Variants in SND1 observed in about 807,000 individuals in gnomAD.
SND1 encodes staphylococcal nuclease and tudor domain containing 1.
A neutral mutation model predicts 121.7 loss-of-function variants in SND1; 38 were observed. The ratio of observed to expected loss-of-function variants is 0.31; its 90% CI spans 0.24 to 0.41. The LOEUF (loss-of-function observed/expected upper bound fraction) is 0.41. Among genes scored for constraint, SND1 ranks in the 10% least tolerant of loss-of-function variants. The pLI is 1.00. For synonymous variants in SND1, 401 were observed against 447.4 expected (o/e 0.90, Z 1.31); for missense variants, 868 against 1,184.6 (o/e 0.73, Z 3.92).
chr7:127,896,852 GTGCT>G (rs1311074467), intron 13 of SND1, among the ~76,000 whole-genome samples: 1 of 152,086 alleles, frequency 6.6e-6, no homozygotes, highest in Non-Finnish European at 1.5e-5. Flanking sequence ...GAGTGTTACA[GTGCT>G]TGCTTGCTTT....
chr7:127,860,400 G>C (rs1799354435), intron 12 of SND1, among the ~76,000 whole-genome samples: 1 of 152,198 alleles, frequency 6.6e-6, no homozygotes, highest in Non-Finnish European at 1.5e-5. Context: ...TGGAAGTCTG[G>C]ATTTACAAAA....
intron 17 of SND1, among the ~76,000 whole-genome samples, chr7:128,080,831 T>C (rs2117058838): frequency 6.6e-6 from 1 of 152,250 alleles, no homozygotes; most frequent in Non-Finnish European, 1.5e-5. Flanking sequence ...TTGTTGGTTC[T>C]GATGCCTGCC....
chr7:127,866,446 T>C (rs191191895), intron 12 of SND1, among the ~76,000 whole-genome samples: 7 of 142,916 alleles, frequency 4.9e-5, no homozygotes, highest in Admixed American at 4.9e-4. Context: ...TAAAGGTGTT[T>C]GATGCTGCCT....
intron 14 of SND1, among the ~76,000 whole-genome samples, chr7:127,926,719 T>TG (rs375277357): frequency 0.27 from 36,104 of 132,372 alleles, 5,171 homozygotes; most frequent in Middle Eastern, 0.4. Context: ...CACCCGGCTA[T>TG]TTTGTTGTTG....
chr7:127,893,678 G>A (rs1800058859), intron 13 of SND1, among the ~76,000 whole-genome samples: 2 of 152,210 alleles, frequency 1.3e-5, no homozygotes, highest in African/African-American at 4.8e-5. Flanking sequence ...CTCAGGAGAA[G>A]AGAAAAGGGC....
chr7:127,782,613 G>A (rs180961241), intron 10 of SND1, among the ~76,000 whole-genome samples: 6 of 152,318 alleles, frequency 3.9e-5, no homozygotes, highest in Admixed American at 3.9e-4. Flanking sequence ...GAGTCATGAT[G>A]CAGTCAGCCT....
At position 127,810,403 on chromosome 7, in the gene SND1, G is replaced by GTA. The variant is rs1798315268; in HGVS notation, c.1242+2831_1242+2832dup. On this transcript the variant is annotated intron_variant, in intron 11 of 23. Transcript: ENST00000354725. ...ACTCCCTCAATTGCCATACTGCCTA[G>GTA]TAGAACTCTCTTCCCATCTCCTGTT... Among the ~76,000 whole-genome samples the GTA allele has an allele frequency of 3.9e-5, 6 of 152,258 alleles. No homozygotes were observed. The South Asian group carries it at 1.2e-3, about 32-fold the overall frequency.
chr7:127,734,480 A>G (rs1052256301), intron 10 of SND1, among the ~76,000 whole-genome samples: 3 of 152,210 alleles, frequency 2.0e-5, no homozygotes, highest in African/African-American at 4.8e-5. Flanking sequence ...GTGCAATTAT[A>G]TTAGCTGAAC....
intron 14 of SND1, among the ~76,000 whole-genome samples, chr7:127,916,823 G>C (rs1036301762): frequency 6.6e-6 from 1 of 152,146 alleles, no homozygotes; most frequent in Non-Finnish European, 1.5e-5. Context: ...GGAAAGCAGG[G>C]GGGCAGCAAA....
Position 127,943,412 on chromosome 7 carries a change from A to T in SND1, c.1669+14083A>T, listed in dbSNP as rs568742188. Among the ~76,000 whole-genome samples, 17 of 152,320 alleles carry T rather than the reference A, an allele frequency of 1.1e-4. No individual in the cohort carries two copies. In the South Asian group the frequency reaches 3.3e-3, roughly 30 times the overall value. On this transcript the variant is annotated intron_variant, in intron 15 of 23. Transcript: ENST00000354725. ...TGGGCAGGAGGACAAGACAAAATTGATAAAGAATTGTTACCTATCTCTGTA... is the reference window on the plus strand; with the variant it reads ...TGGGCAGGAGGACAAGACAAAATTGTTAAAGAATTGTTACCTATCTCTGTA...
intron 12 of SND1, chr7:127,858,446 T>C: frequency 1.4e-6 from 1 of 724,094 alleles, no homozygotes; most frequent in Non-Finnish European, 2.4e-6. Context: ...CAAGCTGTCC[T>C]CCTCTTCCAA....
chr7:127,888,109 T>C (rs928416779), intron 13 of SND1, 97 bp downstream of exon 13: 2 of 686,370 alleles, frequency 2.9e-6, no homozygotes, highest in African/African-American at 3.6e-5. Context: ...TGTTGGAAAA[T>C]AATATGCTGA....
chr7:127,927,727 C>T (rs375785505), intron 14 of SND1, among the ~76,000 whole-genome samples: 3 of 152,202 alleles, frequency 2.0e-5, no homozygotes, highest in Admixed American at 2.0e-4. Context: ...CCCAGCCTAC[C>T]TCACTGCTTC....
intron 16 of SND1, chr7:128,031,911 A>AGCGGGGGTCGCGGCT (rs1792626058): frequency 1.3e-5 from 2 of 150,816 alleles, no homozygotes; most frequent in Non-Finnish European, 3.0e-5. Context: ...CGGCGTGAGC[A>AGCGGGGGTCGCGGCT]GCGGGGGTCG....
chr7:128,019,615 G>A (rs1419558514), intron 16 of SND1, among the ~76,000 whole-genome samples: 1 of 152,194 alleles, frequency 6.6e-6, no homozygotes, highest in Admixed American at 6.5e-5. Context: ...GAAAAGAGAG[G>A]TAACTCCACC....
chr7:127,786,707 G>C (rs1036262551), intron 10 of SND1, among the ~76,000 whole-genome samples: 1 of 152,092 alleles, frequency 6.6e-6, no homozygotes, highest in African/African-American at 2.4e-5. Flanking sequence ...GCAGTGGCGC[G>C]ATCTCGACTC....
At chr7:128,075,657 C>G (rs1186665370) in intron 17 of SND1, among the ~76,000 whole-genome samples, 2 of 152,196 alleles carry the variant, frequency 1.3e-5, no homozygotes, top group East Asian at 3.9e-4. Context: ...CAACCAGCCC[C>G]TTGGTGGTAG....
chr7:127,712,744 T>C (rs1380515099), intron 9 of SND1, among the ~76,000 whole-genome samples: 2 of 152,222 alleles, frequency 1.3e-5, no homozygotes, highest in Non-Finnish European at 2.9e-5. Flanking sequence ...ATCTTCTTCC[T>C]TTTGGGCTTA....
chr7:128,007,665 G>A (rs1400616741), intron 16 of SND1, among the ~76,000 whole-genome samples: 1 of 152,226 alleles, frequency 6.6e-6, no homozygotes, highest in Non-Finnish European at 1.5e-5. Flanking sequence ...TCTAGTTATA[G>A]ACGTTTCTTT....
Sources: gnomAD v4.1 joint callset for allele counts (sites outside exome capture counted in the v4.1 genomes callset) on GRCh38, gnomAD v4.1.1 for gene constraint, MANE v1.5 for transcripts, NCBI Gene and HGNC (gene_info 2026-07-23, HGNC 2026-07-21) for gene names.